The following ROBO1 variants were observed in gnomAD, a reference collection of about 807,000 sequenced individuals.
ROBO1 encodes roundabout homolog 1.
ROBO1 carries 149 observed loss-of-function variants against 195.9 expected under a neutral mutation model. The ratio of observed to expected loss-of-function variants is 0.76; its 90% CI spans 0.67 to 0.87. The LOEUF is 0.87. Among genes scored for constraint, ROBO1 ranks in the 40% least tolerant of loss-of-function variants. The pLI, the probability that ROBO1 is intolerant of heterozygous loss-of-function variation, is 0.00. For missense variants in ROBO1, 1,933 were observed against 2,068.3 expected, an observed-to-expected ratio of 0.93 and a Z score of 1.27; for synonymous variants, 816 against 733.2, an observed-to-expected ratio of 1.11 and a Z score of -1.82.
At chr3:79,386,130 T>A (rs1015488111) in intron 2 of ROBO1, among the ~76,000 whole-genome samples, 1 of 152,184 alleles carries the variant, frequency 6.6e-6, no homozygotes, top group Non-Finnish European at 1.5e-5. Flanking sequence ...GACTGTTTTT[T>A]ACATGAACTA....
Position 79,481,692 on chromosome 3 carries a change from C to T in ROBO1, c.88+108132G>A, listed in dbSNP as rs184927966. On this transcript the variant is annotated intron_variant, in intron 2 of 30. Transcript: ENST00000464233. Reference sequence around the variant, plus strand: ...TGCCAACATTGATCTTTATTGATCTCTAGTTGTCATTTTGTCCCCTGGCAA... The same window carrying T: ...TGCCAACATTGATCTTTATTGATCTTTAGTTGTCATTTTGTCCCCTGGCAA... Among the ~76,000 whole-genome samples, 458 of 152,224 alleles carry T rather than the reference C, an allele frequency of 3.0e-3. 2 individuals are homozygous for T. Among genetic ancestry groups the T allele is most frequent in the African/African-American group, 9.6e-3 (400 of 41,540 alleles).
chr3:79,651,166 G>T lies in ROBO1; in HGVS notation c.-50-61205C>A, dbSNP rs183799043. On this transcript the variant is annotated intron_variant, in intron 1 of 30. Coordinates refer to ENST00000464233, the MANE Select transcript of ROBO1 (RefSeq NM_002941.4). ...TACAAATATACATAATGTAAATATG[G>T]TATGGCCTATCCCATCCAAATTTAG... Among the ~76,000 whole-genome samples the T allele has an allele frequency of 5.0e-4, 76 of 152,034 alleles. 1 individual carries two copies. The East Asian group carries it at 0.014, about 28-fold the overall frequency.
At chr3:79,334,317 T>A (rs1351455337) in intron 2 of ROBO1, among the ~76,000 whole-genome samples, 10 of 144,006 alleles carry the variant, frequency 6.9e-5, no homozygotes, top group African/African-American at 2.5e-4. Context: ...AAAAAATATA[T>A]ATATATATAT....
intron 2 of ROBO1, among the ~76,000 whole-genome samples, chr3:79,484,579 C>A (rs184674772): frequency 1.3e-5 from 2 of 151,574 alleles, no homozygotes; most frequent in Non-Finnish European, 2.9e-5. Context: ...AATAAGGATT[C>A]TTTTACAATT....
At chr3:79,103,383 T>C (rs924727470) in intron 3 of ROBO1, among the ~76,000 whole-genome samples, 2 of 151,824 alleles carry the variant, frequency 1.3e-5, no homozygotes, top group African/African-American at 4.8e-5. Flanking sequence ...GCTTACTGAC[T>C]CTTAGGAGAT....
chr3:78,735,012 TA>T (rs1182730592), intron 5 of ROBO1, among the ~76,000 whole-genome samples: 7 of 152,162 alleles, frequency 4.6e-5, no homozygotes, highest in African/African-American at 1.7e-4. Context: ...ATAAAGCCCA[TA>T]AAGGTATATA....
intron 3 of ROBO1, among the ~76,000 whole-genome samples, chr3:78,965,357 G>C (rs2076618193): frequency 6.6e-6 from 1 of 152,116 alleles, no homozygotes; most frequent in African/African-American, 2.4e-5. Context: ...CCAATGGAAT[G>C]CAGCAGTTTT....
intron 3 of ROBO1, among the ~76,000 whole-genome samples, chr3:79,011,532 G>C (rs2077776121): frequency 6.6e-6 from 1 of 151,904 alleles, no homozygotes; most frequent in African/African-American, 2.4e-5. Flanking sequence ...TACTCTACCT[G>C]AAATTGCTAA....
At chr3:78,907,869 G>C (rs1436256511) in intron 4 of ROBO1, among the ~76,000 whole-genome samples, 4 of 151,796 alleles carry the variant, frequency 2.6e-5, no homozygotes, top group African/African-American at 9.7e-5. Context: ...TTAATATGAA[G>C]AAAAATTTTT....
chr3:79,390,168 AG>A (rs200268787), intron 2 of ROBO1, among the ~76,000 whole-genome samples: 2 of 152,140 alleles, frequency 1.3e-5, no homozygotes, highest in East Asian at 3.9e-4. Context: ...GGGAAAGACA[AG>A]GGGAGGACCA....
At chr3:79,695,476 T>G (rs1947417410) in intron 1 of ROBO1, among the ~76,000 whole-genome samples, 1 of 151,566 alleles carries the variant, frequency 6.6e-6, no homozygotes, top group Non-Finnish European at 1.5e-5. Context: ...TCAATTTAAT[T>G]TATTTCATTG....
At chr3:79,073,530 G>A (rs899887486) in intron 3 of ROBO1, among the ~76,000 whole-genome samples, 1 of 151,978 alleles carries the variant, frequency 6.6e-6, no homozygotes, top group East Asian at 1.9e-4. Context: ...GCCATAGGGA[G>A]CCTTTCACCT....
chr3:79,647,341 G>T (rs1945848999), intron 1 of ROBO1, among the ~76,000 whole-genome samples: 2 of 152,038 alleles, frequency 1.3e-5, no homozygotes, highest in South Asian at 4.1e-4. Context: ...GTATAAGTAG[G>T]CTTCCTATTA....
chr3:78,766,262 G>C (rs759495542), intron 4 of ROBO1, among the ~76,000 whole-genome samples: 1 of 152,174 alleles, frequency 6.6e-6, no homozygotes, highest in Non-Finnish European at 1.5e-5. Context: ...GCAGGGAACA[G>C]AGCATCTGCC....
intron 2 of ROBO1, among the ~76,000 whole-genome samples, chr3:79,357,253 T>C (rs2035592603): frequency 1.3e-5 from 2 of 152,136 alleles, no homozygotes; most frequent in Non-Finnish European, 2.9e-5. Context: ...TGAAGTTACT[T>C]TGGATTTACA....
intron 2 of ROBO1, among the ~76,000 whole-genome samples, chr3:79,498,592 G>A (rs1488673346): frequency 6.6e-6 from 1 of 152,132 alleles, no homozygotes; most frequent in Non-Finnish European, 1.5e-5. Flanking sequence ...GGTGGCTCAC[G>A]CCTGTAATCC....
chr3:78,705,446 G>A (rs2081527000), intron 8 of ROBO1, among the ~76,000 whole-genome samples: 2 of 152,180 alleles, frequency 1.3e-5, no homozygotes, highest in Admixed American at 1.3e-4. Flanking sequence ...TTCAACAGAT[G>A]AGAACTCTGA....
chr3:79,070,340 TTC>T (rs1180811041), intron 3 of ROBO1, among the ~76,000 whole-genome samples: 2 of 151,962 alleles, frequency 1.3e-5, no homozygotes, highest in East Asian at 3.9e-4. Context: ...TCCTTCACTT[TTC>T]TTCTAAGTAA....
Position 78,670,044 on chromosome 3 carries a change from G to A in ROBO1, c.1548+52C>T, listed in dbSNP as rs1707972493. The A allele has an allele frequency of 4.2e-6, 6 of 1,427,348 alleles. No individual in the cohort carries two copies. In the South Asian group the frequency reaches 6.7e-5, roughly 16 times the overall value. The allele number at this position is 1,427,348 out of a possible 1,614,324, so 88.4% of individuals were successfully genotyped here. ...GAAATTTCAATGCCAGTTGTTGGAGGCAGAAACAAAGTGAAACAAAACAAG... is the reference window on the plus strand; with the variant it reads ...GAAATTTCAATGCCAGTTGTTGGAGACAGAAACAAAGTGAAACAAAACAAG... On this transcript the variant is annotated intron_variant, in intron 11 of 30. Transcript: ENST00000464233.
Sources: allele counts gnomAD v4.1 joint callset (sites outside exome capture counted in the v4.1 genomes callset), GRCh38; gene constraint gnomAD v4.1.1; transcripts MANE v1.5; gene names NCBI Gene and HGNC (gene_info 2026-07-23, HGNC 2026-07-21).